NAF1: variants seen among roughly 807,000 people sequenced by gnomAD.
NAF1 encodes the protein H/ACA ribonucleoprotein complex non-core subunit NAF1.
NAF1 carries 11 observed loss-of-function variants against 40.6 expected under a neutral mutation model. That is an observed-to-expected ratio of 0.27 (90% confidence interval 0.17 to 0.45). The LOEUF (loss-of-function observed/expected upper bound fraction) is 0.45. Ranked by LOEUF, NAF1 falls within the 20% of genes least tolerant of loss-of-function variation. The pLI is 1.00. For missense variants in NAF1, 607 were observed against 611.1 expected, an observed-to-expected ratio of 0.99 and a Z score of 0.07; for synonymous variants, 260 against 228.5, an observed-to-expected ratio of 1.14 and a Z score of -1.24.
At chr4:163,104,110 G>T in the NAF1 span, among the ~76,000 whole-genome samples, 2 of 152,190 alleles carry the variant, frequency 1.3e-5, no homozygotes, top group South Asian at 2.1e-4. Context: ...CTCAGTGGGG[G>T]AGGTTCTGAG....
chr4:163,149,703 G>A (rs1731618603), intron 2 of NAF1, among the ~76,000 whole-genome samples: 1 of 152,154 alleles, frequency 6.6e-6, no homozygotes, highest in Non-Finnish European at 1.5e-5. Flanking sequence ...AACGTGGAAA[G>A]CCTTATCTTG....
At position 163,114,147 on chromosome 4, in the gene NAF1, C is replaced by G. The variant is rs149255843; in HGVS notation, c.115-3857G>C. Among the ~76,000 whole-genome samples the G allele has an allele frequency of 2.6e-3, 394 of 152,234 alleles. 1 individual carries two copies. Among genetic ancestry groups the G allele is most frequent in the Non-Finnish European group, 4.8e-3 (328 of 68,016 alleles). On this transcript the variant is annotated intron_variant, in intron 2 of 2. Transcript: ENST00000509434. ...TATGACAGTTGTGGGTATGTAGGAG[C>G]ATGAGGTAAAATTCAGGAAACTGCA...
intron 2 of NAF1, among the ~76,000 whole-genome samples, chr4:163,152,882 G>C (rs988221292): frequency 6.6e-6 from 1 of 152,224 alleles, no homozygotes; most frequent in East Asian, 1.9e-4. Flanking sequence ...TGCGCGCGGC[G>C]CTTGCGGGCC....
At chr4:163,163,282 A>G (rs1428850170) in intron 2 of NAF1, among the ~76,000 whole-genome samples, 1 of 152,170 alleles carries the variant, frequency 6.6e-6, no homozygotes, top group Non-Finnish European at 1.5e-5. Context: ...AAGCGAGACG[A>G]GAATTTCTTG....
At chr4:163,158,981 A>T (rs1560806794) in intron 2 of NAF1, among the ~76,000 whole-genome samples, 1 of 152,112 alleles carries the variant, frequency 6.6e-6, no homozygotes, top group Non-Finnish European at 1.5e-5. Flanking sequence ...TAAAGTGTAT[A>T]TGCTCATTCT....
intron 2 of NAF1, among the ~76,000 whole-genome samples, chr4:163,152,701 G>T (rs2045995): frequency 6.6e-6 from 1 of 152,152 alleles, no homozygotes; most frequent in Non-Finnish European, 1.5e-5. Flanking sequence ...TCACAGCCCT[G>T]GCTCACTCTC....
chr4:163,158,980 T>C (rs536206321), intron 2 of NAF1, among the ~76,000 whole-genome samples: 1 of 152,248 alleles, frequency 6.6e-6, no homozygotes, highest in Non-Finnish European at 1.5e-5. Flanking sequence ...CTAAAGTGTA[T>C]ATGCTCATTC....
chr4:163,166,459 G>T lies in NAF1; in HGVS notation c.269C>A (p.Pro90Gln). ...GGAGGTGACGCAGTCTCCGCAGGCC[G>T]GCGATTCAGCCGGTGGCTGTGGCTG... ...APQPQPPAES[P>Q]ACGDCVTSPG... Residue 90 changes from proline to glutamine, a missense_variant, in exon 1 of 8, where the codon CCG becomes CAG. This residue lies in a region of NAF1 where 407 missense variants were observed against 365.5 expected (regional missense o/e 1.11). Transcript: ENST00000274054. 6.2e-7 allele frequency: 1 copy of T among 1,605,104 alleles called. No homozygotes were observed. The highest frequency in any genetic ancestry group is 1.3e-5 in the African/African-American group (1 of 74,834).
chr4:163,154,022 C>T (rs964982957), intron 2 of NAF1, among the ~76,000 whole-genome samples: 1 of 152,098 alleles, frequency 6.6e-6, no homozygotes, highest in Non-Finnish European at 1.5e-5. Flanking sequence ...GTAACACTCA[C>T]CGCGAAGGTC....
intron 1 of NAF1, among the ~76,000 whole-genome samples, chr4:163,165,522 C>G (rs1397350479): frequency 1.3e-5 from 2 of 152,178 alleles, no homozygotes; most frequent in Non-Finnish European, 2.9e-5. Flanking sequence ...GTTGTTACTT[C>G]CCCCTCCCAG....
rs185466374 is a variant in NAF1 at position 163,160,195 on chromosome 4, A to C, written c.540+4022T>G. ...ATATATAAACCTTCTGAGCATTAAA[A>C]AAGAATTTATGTTTAAAAGAATAAT... On this transcript the variant is annotated intron_variant, in intron 2 of 7. Transcript: ENST00000274054. 2.5e-3 allele frequency among the ~76,000 whole-genome samples: 382 copies of C among 152,302 alleles called. 2 individuals are homozygous for C. The highest frequency in any genetic ancestry group is 4.5e-3 in the Non-Finnish European group (303 of 68,020).
intron 2 of NAF1, among the ~76,000 whole-genome samples, chr4:163,158,067 AG>A (rs1272120401): frequency 1.3e-5 from 2 of 152,162 alleles, no homozygotes; most frequent in Non-Finnish European, 2.9e-5. Context: ...AGGACAACAG[AG>A]GTTGGTGGGA....
At chr4:163,118,690 C>T (rs1190891666) in intron 2 of NAF1, among the ~76,000 whole-genome samples, 1 of 152,080 alleles carries the variant, frequency 6.6e-6, no homozygotes, top group African/African-American at 2.4e-5. Flanking sequence ...GAGGTAGAGG[C>T]TGCAGTGAGC....
intron 7 of NAF1, among the ~76,000 whole-genome samples, chr4:163,132,314 C>T (rs1322962253): frequency 6.6e-6 from 1 of 152,056 alleles, no homozygotes; most frequent in Non-Finnish European, 1.5e-5. Context: ...TGGAAACAAC[C>T]TAGATGTCCT....
At chr4:163,151,957 C>G (rs1302176447) in intron 2 of NAF1, among the ~76,000 whole-genome samples, 1 of 152,018 alleles carries the variant, frequency 6.6e-6, no homozygotes, top group Admixed American at 6.6e-5. Context: ...AAGAAAGCAT[C>G]ATGCTGAAAT....
At chr4:163,163,211 G>A (rs1732297915) in intron 2 of NAF1, among the ~76,000 whole-genome samples, 1 of 152,120 alleles carries the variant, frequency 6.6e-6, no homozygotes, top group Admixed American at 6.6e-5. Context: ...TCTGTAGCAT[G>A]AAAATATGAG....
chr4:163,119,944 T>C (rs1257711043), intron 2 of NAF1: 1 of 152,224 alleles, frequency 6.6e-6, no homozygotes, highest in Non-Finnish European at 1.5e-5. Flanking sequence ...CTTACGTTGT[T>C]GCCAACAAAT....
chr4:163,130,772 C>T (rs529768860), intron 7 of NAF1, among the ~76,000 whole-genome samples: 26 of 152,308 alleles, frequency 1.7e-4, no homozygotes, highest in African/African-American at 6.0e-4. Context: ...AACCTTACAC[C>T]GTTCACAAGA....
chr4:163,115,914 C>A (rs1276412129), intron 2 of NAF1, among the ~76,000 whole-genome samples: 2 of 152,134 alleles, frequency 1.3e-5, no homozygotes, highest in African/African-American at 4.8e-5. Flanking sequence ...TATTTCTATG[C>A]ACAATTTTAA....
Sources: gnomAD v4.1 joint callset for allele counts (sites outside exome capture counted in the v4.1 genomes callset) on GRCh38, gnomAD v4.1.1 for gene constraint, gnomAD v4.1.1 regional missense constraint, MANE v1.5 for transcripts, NCBI Gene and HGNC (gene_info 2026-07-23, HGNC 2026-07-21) for gene names.